SNTG1: variants seen among roughly 807,000 people sequenced by gnomAD.
The protein encoded by SNTG1 is gamma-1-syntrophin.
SNTG1 carries 39 observed loss-of-function variants against 74.7 expected under a neutral mutation model. The observed-to-expected ratio is 0.52, with a 90% confidence interval of 0.40 to 0.68. The LOEUF is 0.68. SNTG1 is among the 30% of genes least tolerant of loss of function. SNTG1 has a pLI of 0.00. For missense variants in SNTG1, 685 were observed against 609.5 expected, an observed-to-expected ratio of 1.12 and a Z score of -1.30; for synonymous variants, 254 against 217.1, an observed-to-expected ratio of 1.17 and a Z score of -1.49.
intron 9 of SNTG1, among the ~76,000 whole-genome samples, chr8:50,507,745 A>G (rs1236824847): frequency 2.0e-5 from 3 of 152,106 alleles, no homozygotes; most frequent in Non-Finnish European, 4.4e-5. Flanking sequence ...CAGGTTAGCT[A>G]CATAAGTATA....
intron 1 of SNTG1, among the ~76,000 whole-genome samples, chr8:49,939,144 A>T (rs1222005690): frequency 6.6e-6 from 1 of 152,136 alleles, no homozygotes; most frequent in Non-Finnish European, 1.5e-5. Context: ...TTCAATTTAT[A>T]CTTACTCTTT....
At chr8:50,573,680 G>A (rs1467605659) in intron 12 of SNTG1, among the ~76,000 whole-genome samples, 2 of 151,656 alleles carry the variant, frequency 1.3e-5, no homozygotes, top group African/African-American at 4.8e-5. Context: ...GAAGCATATT[G>A]TTTGATTTGT....
upstream of SNTG1, chr8:49,911,341 C>G (rs1404059668): frequency 6.7e-6 from 1 of 149,090 alleles, no homozygotes; most frequent in Non-Finnish European, 1.5e-5. Flanking sequence ...TCTCTCTCTT[C>G]CTCTCTCTCT....
chr8:50,149,252 C>T (rs141870855), intron 1 of SNTG1, among the ~76,000 whole-genome samples: 5,419 of 151,938 alleles, frequency 0.036, 121 homozygotes, highest in Non-Finnish European at 0.05. Context: ...GTTTTTTTCT[C>T]GTAAATTTGT....
intron 1 of SNTG1, among the ~76,000 whole-genome samples, chr8:50,071,648 T>A (rs980954475): frequency 1.3e-5 from 2 of 151,956 alleles, no homozygotes; most frequent in African/African-American, 4.8e-5. Flanking sequence ...CCAGCTAATT[T>A]TGTATTTTTA....
At chr8:50,473,699 T>C (rs1471208038) in intron 8 of SNTG1, among the ~76,000 whole-genome samples, 2 of 152,056 alleles carry the variant, frequency 1.3e-5, no homozygotes, top group Admixed American at 1.3e-4. Flanking sequence ...ATAAACAAAA[T>C]GTGATATATA....
intron 8 of SNTG1, among the ~76,000 whole-genome samples, chr8:50,465,479 G>A (rs924401017): frequency 1.3e-5 from 2 of 152,136 alleles, no homozygotes; most frequent in African/African-American, 2.4e-5. Context: ...ACACACTGAA[G>A]TTAACTCTTT....
chr8:50,019,980 A>T (rs1816673929), intron 1 of SNTG1, among the ~76,000 whole-genome samples: 1 of 152,154 alleles, frequency 6.6e-6, no homozygotes, highest in South Asian at 2.1e-4. Flanking sequence ...ACACTAAAAC[A>T]GATGGCAATT....
At chr8:50,782,963 G>C (rs1222353297) in intron 18 of SNTG1, among the ~76,000 whole-genome samples, 1 of 152,090 alleles carries the variant, frequency 6.6e-6, no homozygotes, top group Non-Finnish European at 1.5e-5. Context: ...TTTGCCAGAG[G>C]TCCACCCCAG....
At chr8:50,194,890 A>T (rs758077721) in intron 2 of SNTG1, among the ~76,000 whole-genome samples, 1 of 152,028 alleles carries the variant, frequency 6.6e-6, no homozygotes, top group African/African-American at 2.4e-5. Context: ...CAGTTCGAAG[A>T]ATTTTTTTAC....
intron 2 of SNTG1, among the ~76,000 whole-genome samples, chr8:50,324,208 G>A (rs931062800): frequency 6.6e-6 from 1 of 152,148 alleles, no homozygotes; most frequent in Admixed American, 6.5e-5. Context: ...GCCGGCCCTG[G>A]CTAATCCCAA....
intron 1 of SNTG1, among the ~76,000 whole-genome samples, chr8:49,936,966 T>C (rs1334630772): frequency 2.0e-5 from 3 of 152,106 alleles, no homozygotes; most frequent in Non-Finnish European, 2.9e-5. Context: ...CTGGTCAACA[T>C]GGTAAAACCC....
chr8:50,606,205 T>G (rs1213768483), intron 13 of SNTG1, among the ~76,000 whole-genome samples: 1 of 152,076 alleles, frequency 6.6e-6, no homozygotes, highest in Non-Finnish European at 1.5e-5. Flanking sequence ...TATTCAAGAG[T>G]AGTTGGGTAT....
intron 9 of SNTG1, among the ~76,000 whole-genome samples, chr8:50,505,197 T>G (rs2093996096): frequency 1.3e-5 from 2 of 152,184 alleles, no homozygotes; most frequent in Admixed American, 6.6e-5. Context: ...TAACATTCTT[T>G]CATATGCATA....
chr8:50,582,201 G>A (rs1470702038), intron 12 of SNTG1, among the ~76,000 whole-genome samples: 2 of 152,116 alleles, frequency 1.3e-5, no homozygotes, highest in Non-Finnish European at 2.9e-5. Context: ...TAGCTTTCAA[G>A]GCAAAGTTAA....
Position 50,690,862 on chromosome 8 carries a change from GTTA to G in SNTG1, c.1039-13732_1039-13730del, listed in dbSNP as rs573986985. ...TGACAGTGGGGTGTTAAAGTCTCCC[GTTA>G]TTATTGTGTGGGAGTCTAAGTCTCT... On this transcript the variant is annotated intron_variant, in intron 15 of 18. Coordinates refer to ENST00000642720, the MANE Select transcript of SNTG1 (RefSeq NM_018967.5). Among the ~76,000 whole-genome samples, 650 of 152,114 alleles carry G rather than the reference GTTA, an allele frequency of 4.3e-3. 1 individual carries two copies. Among genetic ancestry groups the G allele is most frequent in the Middle Eastern group, 0.017 (5 of 294 alleles).
chr8:50,086,317 A>G (rs1454347966), intron 1 of SNTG1, among the ~76,000 whole-genome samples: 1 of 152,096 alleles, frequency 6.6e-6, no homozygotes, highest in African/African-American at 2.4e-5. Flanking sequence ...GGTACAGAGG[A>G]AGAAGTTGGA....
At chr8:50,457,597 G>A (rs2093518018) in intron 8 of SNTG1, among the ~76,000 whole-genome samples, 1 of 152,156 alleles carries the variant, frequency 6.6e-6, no homozygotes. Flanking sequence ...AAAAGAGGAG[G>A]AGAAGAGAAG....
chr8:50,443,143 A>T lies in SNTG1; in HGVS notation c.219+4544A>T, dbSNP rs532355765. Among the ~76,000 whole-genome samples the T allele has an allele frequency of 3.9e-5, 6 of 152,318 alleles. No individual in the cohort carries two copies. The East Asian group carries it at 9.7e-4, about 25-fold the overall frequency. Reference sequence around the variant, plus strand: ...ATTTTGCCTTATTCTTCCTATCGGGATTACCATAGGGATAGTCATGTTAAA... The same window carrying T: ...ATTTTGCCTTATTCTTCCTATCGGGTTTACCATAGGGATAGTCATGTTAAA... On this transcript the variant is annotated intron_variant, in intron 5 of 18. Coordinates refer to ENST00000642720, the MANE Select transcript of SNTG1 (RefSeq NM_018967.5).
Sources: allele counts gnomAD v4.1 joint callset (sites outside exome capture counted in the v4.1 genomes callset), GRCh38; gene constraint gnomAD v4.1.1; transcripts MANE v1.5; gene names NCBI Gene and HGNC (gene_info 2026-07-23, HGNC 2026-07-21).